ROBO2: variants seen among roughly 807,000 people sequenced by gnomAD.
The protein encoded by ROBO2 is roundabout guidance receptor 2, also known as roundabout homolog 2.
In ROBO2, 53 loss-of-function variants were observed where a neutral mutation model predicts 160.8. The observed-to-expected ratio is 0.33, with a 90% CI of 0.26 to 0.41. The LOEUF is 0.41. Among genes scored for constraint, ROBO2 ranks in the 10% least tolerant of loss-of-function variants. The pLI is 1.00. For synonymous variants in ROBO2, 664 were observed against 611.7 expected, an observed-to-expected ratio of 1.09 and a Z score of -1.26; for missense variants, 1,577 against 1,722.4, an observed-to-expected ratio of 0.92 and a Z score of 1.49.
chr3:76,626,070 G>C (rs1388979887), intron 2 of ROBO2, among the ~76,000 whole-genome samples: 2 of 152,074 alleles, frequency 1.3e-5, no homozygotes, highest in Non-Finnish European at 2.9e-5. Context: ...AACAAAGTTT[G>C]GATGATAGAT....
At chr3:77,046,004 C>G (rs1431215075) in intron 1 of ROBO2, among the ~76,000 whole-genome samples, 4 of 152,156 alleles carry the variant, frequency 2.6e-5, no homozygotes, top group African/African-American at 9.7e-5. Context: ...CTTTGGTTTA[C>G]TAGTTGATGA....
At chr3:77,372,357 T>C (rs1302849188) in intron 2 of ROBO2, among the ~76,000 whole-genome samples, 1 of 152,160 alleles carries the variant, frequency 6.6e-6, no homozygotes, top group African/African-American at 2.4e-5. Flanking sequence ...ATCCTTAAGT[T>C]TCTTTCCATT....
At chr3:76,809,496 C>T (rs1433078803) in intron 2 of ROBO2, among the ~76,000 whole-genome samples, 1 of 152,042 alleles carries the variant, frequency 6.6e-6, no homozygotes, top group African/African-American at 2.4e-5. Flanking sequence ...TTCAAGGATG[C>T]GATTATAACT....
exon 15 of ROBO2, chr3:77,577,571 C>G: frequency 1.2e-6 from 2 of 1,613,130 alleles, no homozygotes; most frequent in Non-Finnish European, 1.7e-6. Flanking sequence ...TCCTGGGATC[C>G]TCCTCCTCCA....
At chr3:76,060,520 G>T (rs558088753) in intron 2 of ROBO2, among the ~76,000 whole-genome samples, 1 of 152,230 alleles carries the variant, frequency 6.6e-6, no homozygotes, top group African/African-American at 2.4e-5. Context: ...TTTGTCTTCC[G>T]GGAAAACATT....
At chr3:76,242,890 TCAA>T (rs1270160691) in intron 2 of ROBO2, among the ~76,000 whole-genome samples, 1 of 151,808 alleles carries the variant, frequency 6.6e-6, no homozygotes, top group Non-Finnish European at 1.5e-5. Flanking sequence ...TCCTGTCATG[TCAA>T]CAACAACAAA....
At chr3:77,420,934 C>T (rs570178522) in intron 2 of ROBO2, among the ~76,000 whole-genome samples, 18 of 152,196 alleles carry the variant, frequency 1.2e-4, no homozygotes, top group Non-Finnish European at 1.2e-4. Flanking sequence ...GTTCCCAATC[C>T]GACTAATTAA....
intron 2 of ROBO2, among the ~76,000 whole-genome samples, chr3:77,410,741 CTTTTCCTCCTCCTCT>C (rs2076723544): frequency 1.1e-5 from 1 of 93,856 alleles, no homozygotes; most frequent in Non-Finnish European, 2.3e-5. Flanking sequence ...CTTCCTCCTC[CTTTTCCTCCTCCTCT>C]TCCTCCTCCT....
At chr3:76,379,352 A>T (rs574705350) in intron 2 of ROBO2, among the ~76,000 whole-genome samples, 15 of 152,272 alleles carry the variant, frequency 9.9e-5, no homozygotes, top group African/African-American at 3.1e-4. Context: ...TTCAATAAAA[A>T]ATATTTAAAA....
At chr3:77,598,741 C>T (rs2094367703) in intron 19 of ROBO2, among the ~76,000 whole-genome samples, 1 of 152,026 alleles carries the variant, frequency 6.6e-6, no homozygotes, top group Non-Finnish European at 1.5e-5. Flanking sequence ...TCAGCTATCA[C>T]TTTGCCATGG....
At chr3:76,056,241 G>A (rs2067842258) in intron 2 of ROBO2, among the ~76,000 whole-genome samples, 1 of 152,142 alleles carries the variant, frequency 6.6e-6, no homozygotes, top group South Asian at 2.1e-4. Context: ...TTATGTAAAG[G>A]ACTTGAGTAT....
At chr3:76,109,105 T>G (rs972605444) in intron 2 of ROBO2, among the ~76,000 whole-genome samples, 1 of 152,034 alleles carries the variant, frequency 6.6e-6, no homozygotes, top group Non-Finnish European at 1.5e-5. Flanking sequence ...ATATTGAAAT[T>G]ATTGCTAGAA....
intron 2 of ROBO2, among the ~76,000 whole-genome samples, chr3:77,000,869 C>T (rs1213744490): frequency 6.6e-6 from 1 of 152,154 alleles, no homozygotes; most frequent in Admixed American, 6.6e-5. Flanking sequence ...GATGCTACCT[C>T]ATTTGTTACA....
At chr3:77,323,828 T>C (rs1482936590) in intron 2 of ROBO2, among the ~76,000 whole-genome samples, 1 of 152,158 alleles carries the variant, frequency 6.6e-6, no homozygotes, top group Non-Finnish European at 1.5e-5. Context: ...GGCTTGGAAA[T>C]CACTTGGCAT....
rs534550236 is a variant in ROBO2 at position 76,602,303 on chromosome 3, G to A, written c.110-495711G>A. 8.3e-4 allele frequency among the ~76,000 whole-genome samples: 126 copies of A among 151,974 alleles called. 1 individual carries two copies. Among genetic ancestry groups the A allele is most frequent in the African/African-American group, 2.7e-3 (110 of 41,440 alleles). On this transcript the variant is annotated intron_variant, in intron 2 of 26. Coordinates refer to the ROBO2 transcript ENST00000487694. Reference sequence around the variant, plus strand: ...AGCCCTCCAAACTGTTCCAACCTCCGCCTGTTACCCAGTTCCAAAGTCGCT... The same window carrying A: ...AGCCCTCCAAACTGTTCCAACCTCCACCTGTTACCCAGTTCCAAAGTCGCT...
chr3:77,219,462 ATC>A (rs1560269453), intron 2 of ROBO2, among the ~76,000 whole-genome samples: 5 of 98,218 alleles, frequency 5.1e-5, no homozygotes, highest in Non-Finnish European at 1.1e-4. Context: ...ATATATATGT[ATC>A]TGTGTATATA....
At chr3:76,409,613 G>C (rs1275894402) in intron 2 of ROBO2, among the ~76,000 whole-genome samples, 1 of 152,012 alleles carries the variant, frequency 6.6e-6, no homozygotes, top group Non-Finnish European at 1.5e-5. Flanking sequence ...GGAGGAACAG[G>C]TGCAGTAACT....
chr3:76,947,504 G>GT (rs1260673637), intron 2 of ROBO2, among the ~76,000 whole-genome samples: 3 of 151,992 alleles, frequency 2.0e-5, no homozygotes, highest in Non-Finnish European at 2.9e-5. Flanking sequence ...CCTCCAACAC[G>GT]TTTTTTCTTA....
intron 2 of ROBO2, among the ~76,000 whole-genome samples, chr3:76,383,208 C>T (rs990473184): frequency 5.3e-5 from 8 of 152,054 alleles, no homozygotes; most frequent in Non-Finnish European, 1.0e-4. Flanking sequence ...TATGTTTTGT[C>T]CTCATTCCTT....
Sources: allele counts gnomAD v4.1 joint callset (sites outside exome capture counted in the v4.1 genomes callset), GRCh38; gene constraint gnomAD v4.1.1; transcripts MANE v1.5; gene names NCBI Gene and HGNC (gene_info 2026-07-23, HGNC 2026-07-21).